MND1: variants seen among roughly 807,000 people sequenced by gnomAD.
MND1 encodes the protein meiotic nuclear division protein 1 homolog.
In MND1, 28 loss-of-function variants were observed where a neutral mutation model predicts 35.1. The ratio of observed to expected loss-of-function variants is 0.80; its 90% CI spans 0.59 to 1.09. MND1 has a LOEUF of 1.09. MND1 is among the 50% of genes least tolerant of loss of function. The probability of loss-of-function intolerance (pLI) is 0.00; values close to 1 mark genes in which losing one functional copy is unlikely to be tolerated. For synonymous variants in MND1, 69 were observed against 70.5 expected, an observed-to-expected ratio of 0.98 and a Z score of 0.11; for missense variants, 213 against 239.6, an observed-to-expected ratio of 0.89 and a Z score of 0.73.
chr4:153,387,581 A>G (rs1445847447), intron 4 of MND1, among the ~76,000 whole-genome samples: 3 of 152,144 alleles, frequency 2.0e-5, no homozygotes, highest in Admixed American at 1.3e-4. Context: ...CAACATAGTG[A>G]GACCCCATCT....
At chr4:153,348,516 A>G (rs1038257154) in intron 1 of MND1, among the ~76,000 whole-genome samples, 11 of 152,230 alleles carry the variant, frequency 7.2e-5, no homozygotes, top group African/African-American at 2.7e-4. Context: ...CAGTAGCCAA[A>G]CCCAGCAGAA....
intron 6 of MND1, among the ~76,000 whole-genome samples, chr4:153,404,843 G>GA (rs546832239): frequency 1.3e-3 from 197 of 151,934 alleles, no homozygotes; most frequent in Non-Finnish European, 2.1e-3. Flanking sequence ...AAGAGAAATA[G>GA]AAAAAAATTA....
At chr4:153,348,801 G>A (rs942106225) in intron 1 of MND1, among the ~76,000 whole-genome samples, 2 of 152,042 alleles carry the variant, frequency 1.3e-5, no homozygotes, top group Non-Finnish European at 2.9e-5. Context: ...GTGAGCCACC[G>A]CCCAGCCAAG....
chr4:153,360,667 TATAAATAA>T (rs58220178), intron 4 of MND1, among the ~76,000 whole-genome samples: 41 of 109,838 alleles, frequency 3.7e-4, no homozygotes, highest in African/African-American at 1.5e-3. Flanking sequence ...AATATTTTTA[TATAAATAA>T]ATAAATAAAT....
chr4:153,412,735 G>C (rs1409229761), intron 7 of MND1, among the ~76,000 whole-genome samples: 1 of 151,190 alleles, frequency 6.6e-6, no homozygotes, highest in Non-Finnish European at 1.5e-5. Flanking sequence ...CAATCTGCCT[G>C]CCTCGGCCCC....
chr4:153,409,806 A>G (rs780691646), intron 7 of MND1, among the ~76,000 whole-genome samples: 57 of 152,082 alleles, frequency 3.7e-4, no homozygotes, highest in Middle Eastern at 6.8e-3. Flanking sequence ...TTACAAAGTT[A>G]TTTCTTAAGT....
intron 7 of MND1, among the ~76,000 whole-genome samples, chr4:153,409,977 G>C (rs893972953): frequency 2.0e-5 from 3 of 152,190 alleles, no homozygotes; most frequent in Non-Finnish European, 4.4e-5. Flanking sequence ...TCAGCACACA[G>C]TAGGCACAGG....
At chr4:153,401,073 T>C (rs1258131331) in intron 6 of MND1, among the ~76,000 whole-genome samples, 1 of 152,000 alleles carries the variant, frequency 6.6e-6, no homozygotes, top group African/African-American at 2.4e-5. Context: ...AATAGAAATA[T>C]CCAAAATGAA....
chr4:153,364,574 G>A (rs1286819595), intron 4 of MND1, among the ~76,000 whole-genome samples: 1 of 152,068 alleles, frequency 6.6e-6, no homozygotes, highest in South Asian at 2.1e-4. Context: ...GCAGGGTCTT[G>A]AAGAGCTATT....
At chr4:153,344,853 G>T in intron 1 of MND1, 113 bp downstream of exon 1, 1 of 1,500,296 alleles carries the variant, frequency 6.7e-7, no homozygotes, top group Non-Finnish European at 8.9e-7. Flanking sequence ...CCGGGCCGCG[G>T]GAGCGGTCGC....
chr4:153,401,104 A>T (rs182587374), intron 6 of MND1, among the ~76,000 whole-genome samples: 4 of 152,132 alleles, frequency 2.6e-5, no homozygotes, highest in South Asian at 2.1e-4. Flanking sequence ...TAAAGAATTT[A>T]AAAAATATGA....
intron 4 of MND1, among the ~76,000 whole-genome samples, chr4:153,387,595 C>CA (rs547007136): frequency 1.3e-5 from 2 of 151,664 alleles, no homozygotes; most frequent in African/African-American, 2.4e-5. Flanking sequence ...CCCATCTCTG[C>CA]AAAAAAATGA....
chr4:153,402,527 T>C (rs1729371535), intron 6 of MND1, among the ~76,000 whole-genome samples: 1 of 152,164 alleles, frequency 6.6e-6, no homozygotes. Context: ...CTTTGTGGTA[T>C]TGAATTTGCC....
intron 4 of MND1, among the ~76,000 whole-genome samples, chr4:153,359,126 G>A (rs1328918364): frequency 2.6e-5 from 4 of 152,180 alleles, no homozygotes; most frequent in Admixed American, 6.5e-5. Flanking sequence ...GCATGATGAC[G>A]TGTATCCACA....
intron 4 of MND1, among the ~76,000 whole-genome samples, chr4:153,391,828 G>A (rs1729048622): frequency 6.6e-6 from 1 of 151,542 alleles, no homozygotes; most frequent in African/African-American, 2.4e-5. Flanking sequence ...AGGTATAACT[G>A]GTTTGTGGTG....
At chr4:153,410,171 T>C (rs1729641739) in intron 7 of MND1, among the ~76,000 whole-genome samples, 1 of 152,216 alleles carries the variant, frequency 6.6e-6, no homozygotes, top group African/African-American at 2.4e-5. Context: ...TTCAGCACCA[T>C]GTTGGACACG....
intron 3 of MND1, among the ~76,000 whole-genome samples, chr4:153,356,778 A>ATATTT (rs1200071428): frequency 1.3e-5 from 2 of 151,558 alleles, no homozygotes; most frequent in Non-Finnish European, 2.9e-5. Flanking sequence ...TTGGCCATGC[A>ATATTT]TATTTTATTT....
At chr4:153,359,567 G>C (rs1002854089) in intron 4 of MND1, among the ~76,000 whole-genome samples, 9 of 152,152 alleles carry the variant, frequency 5.9e-5, no homozygotes, top group African/African-American at 1.9e-4. Flanking sequence ...TTGCTGGATT[G>C]TATGGTAAGT....
chr4:153,403,361 A>C (rs1428361111), intron 6 of MND1, among the ~76,000 whole-genome samples: 3 of 152,228 alleles, frequency 2.0e-5, no homozygotes, highest in Non-Finnish European at 4.4e-5. Flanking sequence ...CAGCACATGC[A>C]AACCCTCTTA....
Sources: gnomAD v4.1 joint callset for allele counts (sites outside exome capture counted in the v4.1 genomes callset) on GRCh38, gnomAD v4.1.1 for gene constraint, MANE v1.5 for transcripts, NCBI Gene and HGNC (gene_info 2026-07-23, HGNC 2026-07-21) for gene names.